The following SLC9A5 variants were observed in gnomAD, a reference collection of about 807,000 sequenced individuals.
SLC9A5 encodes the protein sodium/hydrogen exchanger 5.
A neutral mutation model predicts 91.7 loss-of-function variants in SLC9A5; 52 were observed. The observed-to-expected ratio is 0.57, with a 90% CI of 0.45 to 0.71. The LOEUF (loss-of-function observed/expected upper bound fraction) is 0.71, where lower values mean the gene tolerates loss of function less well. Ranked by LOEUF, SLC9A5 falls within the 30% of genes least tolerant of loss-of-function variation. The pLI is 0.00. For synonymous variants in SLC9A5, 419 were observed against 474.5 expected, an observed-to-expected ratio of 0.88 and a Z score of 1.52; for missense variants, 871 against 1,158.9, an observed-to-expected ratio of 0.75 and a Z score of 3.61.
chr16:67,261,257 C>A (rs917839377), intron 12 of SLC9A5: 1 of 152,258 alleles, frequency 6.6e-6, no homozygotes, highest in East Asian at 1.9e-4. Flanking sequence ...CACCCTGGGG[C>A]CCCACATTGT....
Position 67,255,780 on chromosome 16 carries a change from G to C in SLC9A5, c.761G>C (p.Gly254Ala). Residue 254 changes from glycine to alanine, a missense_variant, in exon 5 of 16, where the codon GGG (glycine) becomes GCG (alanine). Transcript: ENST00000299798. The surrounding 1 kb of genome is among the most constrained non-coding windows in gnomAD (Gnocchi z 4.9). Reference sequence around the variant, plus strand: ...TCCCTGTTTGTGGTCAGTCTGGGCGGGGCAGCCGTGGGCTTAGTCTTTGCC... The same window carrying C: ...TCCCTGTTTGTGGTCAGTCTGGGCGCGGCAGCCGTGGGCTTAGTCTTTGCC... ...VASLFVVSLG[G>A]AAVGLVFAFL... 6.3e-7 allele frequency: 1 copy of C among 1,589,116 alleles called. No individual in the cohort carries two copies. Among genetic ancestry groups the C allele is most frequent in the Non-Finnish European group, 8.6e-7 (1 of 1,166,530 alleles).
In SLC9A5 at chr16:67,256,359, G is replaced by A. The variant is rs577894843; in HGVS notation, c.912-110G>A. 25 of 756,298 alleles carry A rather than the reference G, an allele frequency of 3.3e-5. No homozygotes were observed. In the Admixed American group the frequency reaches 5.1e-4, roughly 15 times the overall value. 46.8% of individuals were successfully genotyped at this position (756,298 alleles called of 1,614,324 possible). On this transcript the variant is annotated intron_variant, in intron 5 of 15. Coordinates refer to ENST00000299798, the MANE Select transcript of SLC9A5 (RefSeq NM_004594.3). The surrounding 1 kb of genome is among the most constrained non-coding windows in gnomAD (Gnocchi z 4.1). ...GCCTCCCTGGGCTTCAGCTCTGAGA[G>A]TCTGACATCCTGTAATGGGCAATGC... is the stretch of plus-strand genomic sequence containing the variant.
At chr16:67,249,278 C>G in intron 1 of SLC9A5, 77 bp downstream of exon 1, 1 of 1,184,006 alleles carries the variant, frequency 8.4e-7, no homozygotes, top group East Asian at 3.2e-5. Flanking sequence ...CCTCGGTCCT[C>G]AGATTGGGGC....
intron 10 of SLC9A5, 132 bp from the exon 11 acceptor site, chr16:67,259,441 A>G: frequency 7.8e-6 from 5 of 643,336 alleles, no homozygotes; most frequent in Non-Finnish European, 1.4e-5. Context: ...CGATATGTAA[A>G]GTGCCTAGCA....
At position 67,271,173 on chromosome 16, in the gene SLC9A5, A is replaced by T; in HGVS notation, c.2654A>T (p.His885Leu). The T allele has an allele frequency of 6.2e-7, 1 of 1,612,772 alleles. No individual in the cohort carries two copies. Among genetic ancestry groups the T allele is most frequent in the Non-Finnish European group, 8.5e-7 (1 of 1,179,966 alleles). Reference protein sequence around the residue: ...THLSPGTATSHWCIQFNRGSR... With the variant: ...THLSPGTATSLWCIQFNRGSR... ...CTCAGCCCAGGCACCGCTACCTCCC[A>T]CTGGTGCATCCAGTTCAACAGAGGC... The change falls in exon 16 of 16, where the codon CAC (histidine) becomes CTC (leucine). Residue 885 changes from histidine (H) to leucine (L), a missense_variant. This residue lies in a region of SLC9A5 where 295 missense variants were observed against 326.0 expected (regional missense o/e 0.90). Transcript: ENST00000299798.
Position 67,255,627 on chromosome 16 carries a change from G to T in SLC9A5, c.734-126G>T. On this transcript the variant is annotated intron_variant, in intron 4 of 15. Transcript: ENST00000299798. This position sits in a 1 kb window ranked among gnomAD's most constrained non-coding sequence, Gnocchi z 4.9. ...TGGGAGGGGCTTGCCAGGGATCCTG[G>T]CTCTGGGGTTTTGAGCCCCTGGGAG... The T allele has an allele frequency of 7.6e-7, 1 of 1,320,870 alleles. No homozygotes were observed. 81.8% of individuals were successfully genotyped at this position (1,320,870 alleles called of 1,614,324 possible). A position where few individuals can be genotyped will look rare whatever the true frequency, so the allele number is the denominator to read the frequency against.
Position 67,271,094 on chromosome 16 carries a change from C to T in SLC9A5, c.2575C>T (p.Leu859Phe). The T allele has an allele frequency of 1.2e-6, 2 of 1,613,868 alleles. No homozygotes were observed. The highest frequency in any genetic ancestry group is 1.7e-6 in the Non-Finnish European group (2 of 1,179,946). Residue 859 changes from leucine to phenylalanine, a missense_variant, in exon 16 of 16, where the codon CTC becomes TTC. Transcript: ENST00000299798. ...GRSRSESSAD[L>F]PQQQELQPLM... ...CTCTCGCAGTGAGAGCAGCGCTGAC[C>T]TCCCCCAGCAGCAGGAGCTGCAGCC...
chr16:67,266,171 A>G lies in SLC9A5; in HGVS notation c.2164A>G (p.Ile722Val). ...SETEKEDDEG[I>V]IFVARATSEV... The stretch of plus-strand genomic sequence containing the variant: ...GACAGAGAAGGAGGACGATGAGGGG[A>G]TCATCTTTGTGGCTCGTGCCACCAG... The change falls in exon 15 of 16, where the codon ATC becomes GTC. Residue 722 changes from isoleucine (I) to valine (V), a missense_variant. By Grantham distance (29) the Ile-to-Val change is conservative (BLOSUM62 3). Around this residue, in one of 3 missense-constraint regions of SLC9A5, gnomAD observed 295 missense variants for 326.0 expected, o/e 0.90. Transcript: ENST00000299798. The G allele has an allele frequency of 6.2e-7, 1 of 1,610,518 alleles. No individual in the cohort carries two copies. The highest frequency in any genetic ancestry group is 8.5e-7 in the Non-Finnish European group (1 of 1,178,408).
chr16:67,260,354 C>CAAAAA lies in SLC9A5; in HGVS notation c.1842+427_1842+431dup, dbSNP rs397932908. 2.7e-3 allele frequency among the ~76,000 whole-genome samples: 89 copies of CAAAAA among 33,426 alleles called. 4 individuals carry two copies. The highest frequency in any genetic ancestry group is 0.013 in the African/African-American group (66 of 5,162). 21.9% of individuals were successfully genotyped at this position (33,426 alleles called of 152,430 possible). On this transcript the variant is annotated intron_variant, in intron 12 of 15. Transcript: ENST00000299798. ...TGGGTAACAGAGCAAGACTCCATCT[C>CAAAAA]AAAAAAAAAAAAAAAAAAAAAAAGA...
At position 67,256,543 on chromosome 16, in the gene SLC9A5, A is replaced by G. The variant is rs765993166; in HGVS notation, c.986A>G (p.Lys329Arg). The change falls in exon 6 of 16, where the codon AAA becomes AGA. Residue 329 changes from lysine to arginine, a missense_variant. Around this residue, in one of 3 missense-constraint regions of SLC9A5, gnomAD observed 454 missense variants for 718.3 expected, o/e 0.63. Coordinates refer to ENST00000299798, the MANE Select transcript of SLC9A5 (RefSeq NM_004594.3). The surrounding 1 kb of genome is among the most constrained non-coding windows in gnomAD (Gnocchi z 4.1). Reference sequence around the variant, plus strand: ...TCCCATAAGTCACGCACAACTGTCAAATATACAATGAAGACTCTAGCCAGC... The same window carrying G: ...TCCCATAAGTCACGCACAACTGTCAGATATACAATGAAGACTCTAGCCAGC... Reference protein sequence around the residue: ...NISHKSRTTVKYTMKTLASCA... With the variant: ...NISHKSRTTVRYTMKTLASCA... The G allele has an allele frequency of 3.1e-6, 5 of 1,613,932 alleles. No homozygotes were observed.
chr16:67,255,701 C>T lies in SLC9A5; in HGVS notation c.734-52C>T. ...CCCTGCCAGGCAGCAGTCTTGTCAG[C>T]CCGGGTAGGGTCCGGGCCAGGGGTC... On this transcript the variant is annotated intron_variant, in intron 4 of 15. Coordinates refer to ENST00000299798, the MANE Select transcript of SLC9A5 (RefSeq NM_004594.3). The surrounding 1 kb of genome is among the most constrained non-coding windows in gnomAD (Gnocchi z 4.9). 2.6e-6 allele frequency: 4 copies of T among 1,513,930 alleles called. No homozygotes were observed. Among genetic ancestry groups the T allele is most frequent in the South Asian group, 2.4e-5 (2 of 82,404 alleles). The allele number at this position is 1,513,930 out of a possible 1,614,324, so 93.8% of individuals were successfully genotyped here. A position where few individuals can be genotyped will look rare whatever the true frequency, so the allele number is the denominator to read the frequency against.
chr16:67,266,468 A>G (rs1257130812), intron 15 of SLC9A5, among the ~76,000 whole-genome samples: 1 of 152,222 alleles, frequency 6.6e-6, no homozygotes, highest in East Asian at 1.9e-4. Context: ...CCAGCATCAC[A>G]TAGTAGAACC....
intron 1 of SLC9A5, among the ~76,000 whole-genome samples, chr16:67,251,753 G>C (rs1403897330): frequency 6.6e-6 from 1 of 152,010 alleles, no homozygotes; most frequent in African/African-American, 2.4e-5. Flanking sequence ...AATCTTATGA[G>C]ATCATTATCG....
chr16:67,269,122 A>G (rs2035838439), intron 15 of SLC9A5, among the ~76,000 whole-genome samples: 1 of 151,938 alleles, frequency 6.6e-6, no homozygotes, highest in African/African-American at 2.4e-5. Flanking sequence ...CTGTCTCTTA[A>G]ATTTCCTTTA....
intron 1 of SLC9A5, among the ~76,000 whole-genome samples, chr16:67,249,572 T>G (rs769020674): frequency 6.6e-6 from 1 of 152,184 alleles, no homozygotes; most frequent in Non-Finnish European, 1.5e-5. Flanking sequence ...TGAGGATGTG[T>G]GGGGACATTG....
Position 67,255,081 on chromosome 16 carries a change from T to C in SLC9A5, c.551T>C (p.Val184Ala). Residue 184 changes from valine (V) to alanine (A), a missense_variant, in exon 3 of 16, where the codon GTG becomes GCG. Physicochemically the swap from Val to Ala is moderately conservative, Grantham distance 64. Around this residue, in one of 3 missense-constraint regions of SLC9A5, gnomAD observed 454 missense variants for 718.3 expected, o/e 0.63. Transcript: ENST00000299798. This position sits in a 1 kb window ranked among gnomAD's most constrained non-coding sequence, Gnocchi z 4.9. Reference protein sequence around the residue: ...FLLFGSLISAVDPVAVLAVFE... With the variant: ...FLLFGSLISAADPVAVLAVFE... ...CTGTTTGGGAGCCTCATCTCGGCGG[T>C]GGACCCCGTGGCCGTGCTAGCTGTC... The C allele has an allele frequency of 6.2e-7, 1 of 1,614,026 alleles. No individual in the cohort carries two copies. The highest frequency in any genetic ancestry group is 8.5e-7 in the Non-Finnish European group (1 of 1,179,982).
chr16:67,268,848 G>A (rs1042607736), intron 15 of SLC9A5, among the ~76,000 whole-genome samples: 4 of 150,564 alleles, frequency 2.7e-5, no homozygotes, highest in Non-Finnish European at 5.9e-5. Context: ...CAACTGGGGA[G>A]GATGGCCTTG....
At position 67,259,848 on chromosome 16, in the gene SLC9A5, G is replaced by T. The variant is rs2035464302; in HGVS notation, c.1744G>T (p.Asp582Tyr). Residue 582 changes from aspartate to tyrosine, a missense_variant, in exon 12 of 16, where the codon GAT becomes TAT. Physicochemically the swap from Asp to Tyr is radical, Grantham distance 160 (BLOSUM62 -3). Around this residue, in one of 3 missense-constraint regions of SLC9A5, gnomAD observed 454 missense variants for 718.3 expected, o/e 0.63. Transcript: ENST00000299798. ...LRESGSGACL[D>Y]LQVIDTVRSG... The stretch of plus-strand genomic sequence containing the variant: ...GGAGAGTGGCAGTGGAGCGTGTCTG[G>T]ATCTGCAGGTGATTGACACAGTACG... The T allele has an allele frequency of 6.2e-7, 1 of 1,614,050 alleles. No homozygotes were observed. The highest frequency in any genetic ancestry group is 8.5e-7 in the Non-Finnish European group (1 of 1,180,040).
Position 67,264,982 on chromosome 16 carries a change from A to T in SLC9A5, c.2014-58A>T. ...CTTGTCCTGTTGACCCCACCAGATG[A>T]CAGGGTTGGGGTGGGAAGCCGGGGC... On this transcript the variant is annotated intron_variant, in intron 13 of 15. Transcript: ENST00000299798. The T allele has an allele frequency of 2.6e-6, 4 of 1,546,812 alleles. 1 individual carries two copies. Among genetic ancestry groups the T allele is most frequent in the Middle Eastern group, 3.4e-4 (2 of 5,944 alleles).
Sources: gnomAD v4.1 joint callset for allele counts (sites outside exome capture counted in the v4.1 genomes callset) on GRCh38, gnomAD v4.1.1 for gene constraint, gnomAD v4.1.1 regional missense constraint, Gnocchi (gnomAD v3.1) non-coding constraint, MANE v1.5 for transcripts, NCBI Gene and HGNC (gene_info 2026-07-23, HGNC 2026-07-21) for gene names.